The following MGA variants were observed in gnomAD, a reference collection of about 807,000 sequenced individuals.
MGA encodes MAX dimerization protein MGA.
In MGA, 40 loss-of-function variants were observed where a neutral mutation model predicts 261.1. That is an observed-to-expected ratio of 0.15 (90% CI 0.12 to 0.20). The LOEUF is 0.20. Ranked by LOEUF, MGA falls within the 10% of genes least tolerant of loss-of-function variation. The pLI, the probability that MGA is intolerant of heterozygous loss-of-function variation, is 1.00. For synonymous variants in MGA, 1,302 were observed against 1,290.6 expected (o/e 1.01, Z -0.19); for missense variants, 3,397 against 3,630.5 (o/e 0.94, Z 1.65).
chr15:41,713,148 T>TA lies in MGA; in HGVS notation c.3085-2dup, dbSNP rs776214382. 466 of 1,607,690 alleles carry TA rather than the reference T, an allele frequency of 2.9e-4. No individual in the cohort carries two copies. The highest frequency in any genetic ancestry group is 3.8e-4 in the Non-Finnish European group (447 of 1,177,766). On this transcript the variant is annotated splice_region_variant and splice_polypyrimidine_tract_variant and intron_variant, in intron 8 of 23. Transcript: ENST00000219905. ...GAATTACAATTTTCTCCTTTGACTT[T>TA]AGGCATCCCTCAAAACTAAACCTAT... is the stretch of plus-strand genomic sequence containing the variant.
At chr15:41,732,033 T>G (rs1488469382) in intron 11 of MGA, among the ~76,000 whole-genome samples, 1 of 152,192 alleles carries the variant, frequency 6.6e-6, no homozygotes, top group African/African-American at 2.4e-5. Flanking sequence ...CAATAAGTCC[T>G]AAGCTATATT....
chr15:41,755,674 A>G (rs1224421901), intron 18 of MGA, among the ~76,000 whole-genome samples: 1 of 152,278 alleles, frequency 6.6e-6, no homozygotes, highest in Non-Finnish European at 1.5e-5. Flanking sequence ...AAGGGCCAAG[A>G]ATAACCAACA....
chr15:41,628,755 A>T lies in MGA; in HGVS notation c.-68+7457A>T, dbSNP rs78238950. On this transcript the variant is annotated intron_variant, in intron 1 of 8. Coordinates refer to the MGA transcript ENST00000566718. Reference sequence around the variant, plus strand: ...GCAGGCCATGAGGTTTTTGGATTTTATTCTAACTGATGGTATTCATTGGAC... The same window carrying T: ...GCAGGCCATGAGGTTTTTGGATTTTTTTCTAACTGATGGTATTCATTGGAC... 2.3e-3 allele frequency among the ~76,000 whole-genome samples: 350 copies of T among 152,280 alleles called. 1 individual carries two copies. Among genetic ancestry groups the T allele is most frequent in the African/African-American group, 8.0e-3 (334 of 41,564 alleles).
At position 41,751,435 on chromosome 15, in the gene MGA, T is replaced by C. The variant is rs540801501; in HGVS notation, c.7008+820T>C. The C allele has an allele frequency of 2.6e-5, 4 of 152,178 alleles. No individual in the cohort carries two copies. The East Asian group carries it at 5.8e-4, about 22-fold the overall frequency. The allele number at this position is 152,178 out of a possible 1,614,324, so 9.4% of individuals were successfully genotyped here. Reference sequence around the variant, plus strand: ...CAGCTGTATTCCATTAAAACTTTAGTAAAAAAGTCCAGGTGCGGTGGCTCA... The same window carrying C: ...CAGCTGTATTCCATTAAAACTTTAGCAAAAAAGTCCAGGTGCGGTGGCTCA... On this transcript the variant is annotated intron_variant, in intron 17 of 23. Coordinates refer to ENST00000219905, the MANE Select transcript of MGA (RefSeq NM_001164273.2).
At chr15:41,732,436 C>T (rs575714940) in intron 11 of MGA, among the ~76,000 whole-genome samples, 33 of 152,296 alleles carry the variant, frequency 2.2e-4, no homozygotes, top group Admixed American at 5.2e-4. Flanking sequence ...ACGTGAGCCA[C>T]CGTGCCCGGC....
At chr15:41,716,719 AAC>A (rs2060657262) in intron 9 of MGA, among the ~76,000 whole-genome samples, 2 of 152,194 alleles carry the variant, frequency 1.3e-5, no homozygotes, top group Non-Finnish European at 2.9e-5. Flanking sequence ...ACTAAAAATA[AAC>A]ATAAATGTTT....
intron 13 of MGA, 137 bp from the exon 14 acceptor site, chr15:41,739,769 A>C: frequency 7.6e-6 from 6 of 793,396 alleles, no homozygotes; most frequent in Non-Finnish European, 1.1e-5. Context: ...TCTAAATGGA[A>C]AAAGTCTACT....
In MGA at chr15:41,710,825, G is replaced by T; in HGVS notation, c.2560G>T (p.Val854Leu). Residue 854 changes from valine (V) to leucine (L), a missense_variant, in exon 8 of 24, where the codon GTG (valine) becomes TTG (leucine). Physicochemically the swap from Val to Leu is conservative, Grantham distance 32. Coordinates refer to ENST00000219905, the MANE Select transcript of MGA (RefSeq NM_001164273.2). ...TTCTAATGCTCCCACATCTCCTGTG[G>T]TGTACCAGCTTCCCACTAAGAGTAC... is the stretch of plus-strand genomic sequence containing the variant. 1 of 1,613,966 alleles carries T rather than the reference G, an allele frequency of 6.2e-7. No homozygotes were observed. The highest frequency in any genetic ancestry group is 1.3e-5 in the African/African-American group (1 of 75,034).
intron 1 of MGA, among the ~76,000 whole-genome samples, chr15:41,624,118 G>A (rs1241825155): frequency 4.7e-5 from 7 of 150,116 alleles, no homozygotes; most frequent in African/African-American, 1.7e-4. Flanking sequence ...AGGCTGGAGT[G>A]CAGTGGCATG....
chr15:41,654,688 C>T (rs558355228), intron 1 of MGA, among the ~76,000 whole-genome samples: 40 of 152,132 alleles, frequency 2.6e-4, no homozygotes, highest in African/African-American at 8.9e-4. Context: ...ACTGTGCCAT[C>T]TTTTAAATAA....
intron 11 of MGA, 142 bp downstream of exon 11, chr15:41,729,491 T>A: frequency 1.2e-6 from 1 of 824,536 alleles, no homozygotes; most frequent in Non-Finnish European, 1.9e-6. Flanking sequence ...TTTCTCTGTG[T>A]ACCTATTGTA....
At position 41,715,004 on chromosome 15, in the gene MGA, A is replaced by G. The variant is rs1269427373; in HGVS notation, c.3430+1508A>G. Among the ~76,000 whole-genome samples the G allele has an allele frequency of 2.6e-5, 4 of 151,804 alleles. No individual in the cohort carries two copies. In the East Asian group the frequency reaches 5.8e-4, roughly 22 times the overall value. On this transcript the variant is annotated intron_variant, in intron 9 of 23. Transcript: ENST00000219905. ...TTTTCCTTTAGTTTGCAGAAGCTTT[A>G]TATTTTCTAGGTTATAATTTTGTAA...
chr15:41,676,401 G>A lies in MGA; in HGVS notation c.1064+6443G>A, dbSNP rs1003233112. 4.6e-5 allele frequency among the ~76,000 whole-genome samples: 7 copies of A among 152,314 alleles called. No homozygotes were observed. The East Asian group carries it at 9.6e-4, about 21-fold the overall frequency. The stretch of plus-strand genomic sequence containing the variant: ...GCCAGGCCGGTCTCATGATCTGCCC[G>A]CCTTGGCCTCCCCAAGTGCCGGGAT... On this transcript the variant is annotated intron_variant, in intron 2 of 23. Coordinates refer to ENST00000219905, the MANE Select transcript of MGA (RefSeq NM_001164273.2).
chr15:41,739,872 T>A (rs753531343), intron 13 of MGA, 34 bp from the exon 14 acceptor site: 1 of 1,592,076 alleles, frequency 6.3e-7, no homozygotes, highest in Non-Finnish European at 8.6e-7. Flanking sequence ...GAGAATTTTA[T>A]CTTTACAGAA....
chr15:41,689,294 T>A (rs1351616359), intron 2 of MGA, among the ~76,000 whole-genome samples: 1 of 151,566 alleles, frequency 6.6e-6, no homozygotes, highest in East Asian at 1.9e-4. Flanking sequence ...TTGCCTTCCC[T>A]TACCCTCTCT....
At chr15:41,712,034 T>C (rs2060411523) in intron 8 of MGA, among the ~76,000 whole-genome samples, 1 of 152,156 alleles carries the variant, frequency 6.6e-6, no homozygotes, top group Non-Finnish European at 1.5e-5. Flanking sequence ...TCCCAGGAAA[T>C]TGAAAATTAA....
chr15:41,736,678 A>G lies in MGA; in HGVS notation c.4414A>G (p.Ser1472Gly). ...GGCCTATAAACGTAAACCCAGTTCA[A>G]GTACATCTGGGCTTATCCAGGTGAG... The change falls in exon 13 of 24, where the codon AGT becomes GGT. Residue 1472 changes from serine (S) to glycine (G), a missense_variant. Physicochemically the swap from Ser to Gly is moderately conservative, Grantham distance 56. This residue lies in a region of MGA where 1,410 missense variants were observed against 1,386.4 expected (regional missense o/e 1.02). Coordinates refer to ENST00000219905, the MANE Select transcript of MGA (RefSeq NM_001164273.2). The G allele has an allele frequency of 3.7e-6, 6 of 1,611,508 alleles. No homozygotes were observed. The highest frequency in any genetic ancestry group is 1.7e-5 in the Admixed American group (1 of 59,718).
intron 1 of MGA, among the ~76,000 whole-genome samples, chr15:41,629,105 CAAAAA>C (rs71108108): frequency 6.4e-5 from 5 of 78,072 alleles, no homozygotes; most frequent in Admixed American, 1.6e-4. Context: ...GACTTCGTCT[CAAAAA>C]AAAAAAAAAA....
chr15:41,698,806 C>T, intron 3 of MGA, 57 bp from the exon 4 acceptor site: 1 of 1,313,596 alleles, frequency 7.6e-7, no homozygotes, highest in Non-Finnish European at 1.0e-6. Context: ...TCCTGTTTTA[C>T]ATTTAAGTTT....
Sources: allele counts gnomAD v4.1 joint callset (sites outside exome capture counted in the v4.1 genomes callset), GRCh38; gene constraint gnomAD v4.1.1; regional missense constraint gnomAD v4.1.1; transcripts MANE v1.5; gene names NCBI Gene and HGNC (gene_info 2026-07-23, HGNC 2026-07-21).